The following DOCK1 variants were observed in gnomAD, a reference collection of about 807,000 sequenced individuals.
DOCK1 encodes dedicator of cytokinesis protein 1.
A neutral mutation model predicts 262.7 loss-of-function variants in DOCK1; 138 were observed. The observed-to-expected ratio is 0.53, with a 90% CI of 0.46 to 0.61. The LOEUF (loss-of-function observed/expected upper bound fraction) is 0.61, where lower values mean the gene tolerates loss of function less well. DOCK1 is among the 20% of genes least tolerant of loss of function. DOCK1 has a pLI of 0.00. For synonymous variants in DOCK1, 866 were observed against 867.4 expected, an observed-to-expected ratio of 1.00 and a Z score of 0.03; for missense variants, 1,908 against 2,370.7, an observed-to-expected ratio of 0.80 and a Z score of 4.05.
intron 38 of DOCK1, among the ~76,000 whole-genome samples, chr10:127,401,160 G>T (rs1361552614): frequency 6.6e-6 from 1 of 151,828 alleles, no homozygotes; most frequent in Non-Finnish European, 1.5e-5. Context: ...CCATTACCTG[G>T]CCGCCACCAC....
intron 29 of DOCK1, among the ~76,000 whole-genome samples, chr10:127,298,022 A>G (rs1009554085): frequency 6.6e-6 from 1 of 152,214 alleles, no homozygotes; most frequent in Non-Finnish European, 1.5e-5. Context: ...TGGAAAAGCA[A>G]TTATTCCCAC....
At chr10:127,137,962 G>A in intron 27 of DOCK1, 2 of 1,614,012 alleles carry the variant, frequency 1.2e-6, no homozygotes, top group Non-Finnish European at 1.7e-6. Context: ...TCAATAGGGT[G>A]GAGTTTTCTT....
At chr10:127,052,841 G>C in intron 22 of DOCK1, 26 bp downstream of exon 22, 1 of 1,592,268 alleles carries the variant, frequency 6.3e-7, no homozygotes, top group Non-Finnish European at 8.6e-7. Context: ...CTCCATGCCC[G>C]GGCTCTCAGA....
chr10:127,186,504 A>ACCACCC (rs1216809857), intron 27 of DOCK1, among the ~76,000 whole-genome samples: 1 of 8,994 alleles, frequency 1.1e-4, no homozygotes, highest in African/African-American at 3.5e-4. Context: ...CATGGGAGAA[A>ACCACCC]CCGCCCCCCC....
intron 1 of DOCK1, among the ~76,000 whole-genome samples, chr10:126,915,764 T>C (rs2134052636): frequency 6.6e-6 from 1 of 152,236 alleles, no homozygotes; most frequent in Non-Finnish European, 1.5e-5. Flanking sequence ...GTGTGTCCTG[T>C]CCTTTTCATA....
intron 27 of DOCK1, among the ~76,000 whole-genome samples, chr10:127,189,126 C>T (rs1489443430): frequency 2.6e-5 from 4 of 152,308 alleles, no homozygotes; most frequent in South Asian, 2.1e-4. Context: ...GCAGGACCTA[C>T]GAGACACAAG....
intron 1 of DOCK1, among the ~76,000 whole-genome samples, chr10:126,937,715 A>G (rs1591369941): frequency 6.6e-6 from 1 of 151,340 alleles, no homozygotes; most frequent in South Asian, 2.1e-4. Context: ...GTTTTTATTG[A>G]GTTGTAGGAA....
intron 37 of DOCK1, among the ~76,000 whole-genome samples, chr10:127,381,647 T>C (rs1184455766): frequency 6.6e-6 from 1 of 152,196 alleles, no homozygotes; most frequent in African/African-American, 2.4e-5. Flanking sequence ...AGTTAGAGAT[T>C]CTACAATTCC....
chr10:127,134,508 GCAGGACTA>G (rs1338447754), intron 27 of DOCK1, among the ~76,000 whole-genome samples: 2 of 152,204 alleles, frequency 1.3e-5, no homozygotes, highest in Non-Finnish European at 2.9e-5. Flanking sequence ...AGGAGCAGAT[GCAGGACTA>G]CAGGACTTCT....
intron 25 of DOCK1, among the ~76,000 whole-genome samples, chr10:127,122,741 T>C (rs953602289): frequency 3.9e-4 from 60 of 152,074 alleles, no homozygotes; most frequent in African/African-American, 1.4e-3. Context: ...CAGGAGAGGC[T>C]GGATAGCAAA....
intron 29 of DOCK1, among the ~76,000 whole-genome samples, chr10:127,312,837 C>T (rs1257339434): frequency 1.4e-5 from 2 of 147,060 alleles, no homozygotes; most frequent in East Asian, 1.9e-4. Context: ...TTCTCTCCCT[C>T]CCTTCCACTG....
At chr10:127,318,726 A>G (rs1590418029) in intron 29 of DOCK1, among the ~76,000 whole-genome samples, 1 of 152,214 alleles carries the variant, frequency 6.6e-6, no homozygotes, top group Non-Finnish European at 1.5e-5. Flanking sequence ...GTCGTGCTGA[A>G]TAAGCCTGAC....
intron 23 of DOCK1, among the ~76,000 whole-genome samples, chr10:127,094,651 T>C (rs952411165): frequency 6.6e-6 from 1 of 152,218 alleles, no homozygotes; most frequent in Non-Finnish European, 1.5e-5. Flanking sequence ...CTTCCTCTGC[T>C]GTCCTGCACA....
intron 29 of DOCK1, among the ~76,000 whole-genome samples, chr10:127,307,887 C>T (rs1001437273): frequency 6.6e-6 from 1 of 152,222 alleles, no homozygotes; most frequent in Non-Finnish European, 1.5e-5. Context: ...CTGGAATTGT[C>T]ACAATGCAGA....
chr10:126,906,596 C>T (rs771812061), intron 1 of DOCK1, among the ~76,000 whole-genome samples: 1 of 152,190 alleles, frequency 6.6e-6, no homozygotes, highest in East Asian at 1.9e-4. Flanking sequence ...TTGGTGGTCT[C>T]GCCTCCCACA....
chr10:127,444,395 T>C (rs1392001456), intron 50 of DOCK1, 116 bp downstream of exon 50: 2 of 1,299,078 alleles, frequency 1.5e-6, no homozygotes, highest in Non-Finnish European at 2.1e-6. Context: ...GGTGGGAGTT[T>C]AGATAAACAC....
intron 50 of DOCK1, among the ~76,000 whole-genome samples, chr10:127,444,532 A>G (rs754330364): frequency 1.3e-5 from 2 of 152,100 alleles, no homozygotes; most frequent in Non-Finnish European, 2.9e-5. Flanking sequence ...CCCAGGGTCC[A>G]TGTGGAGGGG....
intron 49 of DOCK1, among the ~76,000 whole-genome samples, chr10:127,440,289 C>G (rs1253721049): frequency 1.3e-5 from 2 of 152,076 alleles, no homozygotes; most frequent in East Asian, 1.9e-4. Flanking sequence ...GAGATCTGCT[C>G]CCAGGACCCA....
intron 29 of DOCK1, among the ~76,000 whole-genome samples, chr10:127,294,871 A>G (rs1224388918): frequency 1.3e-5 from 2 of 151,706 alleles, no homozygotes; most frequent in Non-Finnish European, 2.9e-5. Context: ...CGAACTCCTG[A>G]CCTCAGTTGA....
Sources: allele counts gnomAD v4.1 joint callset (sites outside exome capture counted in the v4.1 genomes callset), GRCh38; gene constraint gnomAD v4.1.1; transcripts MANE v1.5; gene names NCBI Gene and HGNC (gene_info 2026-07-23, HGNC 2026-07-21).